The following DISC1 variants were observed in gnomAD, a reference collection of about 807,000 sequenced individuals.
The protein encoded by DISC1 is DISC1 scaffold protein, also known as disrupted in schizophrenia 1 protein.
A neutral mutation model predicts 84.5 loss-of-function variants in DISC1; 57 were observed. The observed-to-expected ratio is 0.67, with a 90% CI of 0.55 to 0.84. The LOEUF is 0.84. Ranked by LOEUF, DISC1 falls within the 40% of genes least tolerant of loss-of-function variation. The pLI is 0.00. For missense variants in DISC1, 1,000 were observed against 1,057.8 expected (o/e 0.95, Z 0.76); for synonymous variants, 411 against 415.2 (o/e 0.99, Z 0.12).
chr1:231,864,080 A>C (rs566321238), intron 9 of DISC1, among the ~76,000 whole-genome samples: 1 of 152,306 alleles, frequency 6.6e-6, no homozygotes, highest in Non-Finnish European at 1.5e-5. Context: ...GCCAGGTAGC[A>C]GTATATGAAC....
intron 10 of DISC1, among the ~76,000 whole-genome samples, chr1:231,991,891 C>A (rs1382598055): frequency 6.6e-6 from 1 of 152,076 alleles, no homozygotes; most frequent in Non-Finnish European, 1.5e-5. Flanking sequence ...TTAGAAAATT[C>A]AAATGGAATC....
intron 9 of DISC1, among the ~76,000 whole-genome samples, chr1:231,855,731 T>A (rs547872113): frequency 1.3e-5 from 2 of 152,332 alleles, no homozygotes; most frequent in African/African-American, 4.8e-5. Flanking sequence ...ACGTTTCCCC[T>A]TCTTTCTCTT....
At chr1:231,943,432 G>A (rs190605550) in intron 9 of DISC1, among the ~76,000 whole-genome samples, 6 of 152,348 alleles carry the variant, frequency 3.9e-5, no homozygotes, top group Admixed American at 2.0e-4. Context: ...AATAACTTCC[G>A]TGGACTCTGG....
At chr1:231,908,069 A>G (rs976937721) in intron 9 of DISC1, among the ~76,000 whole-genome samples, 28 of 152,224 alleles carry the variant, frequency 1.8e-4, no homozygotes, top group Non-Finnish European at 3.5e-4. Flanking sequence ...TAGATTCTGG[A>G]TATTAGCCTT....
intron 6 of DISC1, among the ~76,000 whole-genome samples, chr1:231,788,321 G>T (rs148795765): frequency 6.6e-6 from 1 of 152,246 alleles, no homozygotes; most frequent in African/African-American, 2.4e-5. Flanking sequence ...CAAGGTGTCA[G>T]CAGGGTTGCT....
intron 1 of DISC1, among the ~76,000 whole-genome samples, chr1:231,642,245 C>T (rs920553894): frequency 2.0e-5 from 3 of 152,212 alleles, no homozygotes; most frequent in Admixed American, 6.5e-5. Flanking sequence ...CGCGCTGGCC[C>T]GCAAGCACCG....
chr1:231,825,888 T>A (rs2081828594), intron 9 of DISC1, among the ~76,000 whole-genome samples: 1 of 152,258 alleles, frequency 6.6e-6, no homozygotes, highest in African/African-American at 2.4e-5. Context: ...TTTGCAGATT[T>A]CTTCCTCCAT....
At chr1:231,808,773 C>T (rs61260596) in intron 8 of DISC1, among the ~76,000 whole-genome samples, 4,326 of 152,284 alleles carry the variant, frequency 0.028, 215 homozygotes, top group African/African-American at 0.097. Context: ...ATTGCTCTGG[C>T]GCTGGGAGCC....
chr1:231,799,077 T>G (rs1036935953), intron 7 of DISC1, among the ~76,000 whole-genome samples: 8 of 152,120 alleles, frequency 5.3e-5, no homozygotes, highest in African/African-American at 1.9e-4. Flanking sequence ...AAATGTGATG[T>G]TTTAGCCTCC....
intron 1 of DISC1, among the ~76,000 whole-genome samples, chr1:231,689,357 A>C (rs1294261224): frequency 1.3e-5 from 2 of 151,804 alleles, no homozygotes; most frequent in Admixed American, 1.3e-4. Flanking sequence ...TTGAGACAAG[A>C]GTCTTGCTCT....
At chr1:231,911,154 T>A (rs1005164509) in intron 9 of DISC1, among the ~76,000 whole-genome samples, 3 of 152,228 alleles carry the variant, frequency 2.0e-5, no homozygotes, top group African/African-American at 7.2e-5. Flanking sequence ...GTCTTTTAAT[T>A]GGAGCATTTA....
At chr1:231,684,567 C>T (rs562636723) in intron 1 of DISC1, among the ~76,000 whole-genome samples, 82 of 152,214 alleles carry the variant, frequency 5.4e-4, no homozygotes, top group African/African-American at 1.9e-3. Flanking sequence ...ACATTACCCT[C>T]GAGGTCCCTT....
At chr1:231,986,416 C>T (rs1664450026) in intron 10 of DISC1, among the ~76,000 whole-genome samples, 1 of 152,136 alleles carries the variant, frequency 6.6e-6, no homozygotes, top group Admixed American at 6.5e-5. Context: ...TCCTCATGGT[C>T]CCTTTTATTC....
At chr1:231,734,396 C>A (rs2072177657) in intron 3 of DISC1, among the ~76,000 whole-genome samples, 1 of 152,138 alleles carries the variant, frequency 6.6e-6, no homozygotes, top group Non-Finnish European at 1.5e-5. Flanking sequence ...TCTTCAGAAG[C>A]TTGTGATCCT....
chr1:231,732,960 G>T (rs2071736798), intron 3 of DISC1, among the ~76,000 whole-genome samples: 1 of 152,142 alleles, frequency 6.6e-6, no homozygotes, highest in Admixed American at 6.5e-5. Context: ...AGTGGTAGTG[G>T]TGATAGGAGT....
intron 9 of DISC1, among the ~76,000 whole-genome samples, chr1:231,949,780 C>G (rs781302830): frequency 6.6e-6 from 1 of 152,166 alleles, no homozygotes; most frequent in African/African-American, 2.4e-5. Flanking sequence ...ATATGAAAAG[C>G]CTCTGCTTTA....
chr1:231,774,796 G>A (rs1464562214), intron 6 of DISC1: 1 of 455,722 alleles, frequency 2.2e-6, no homozygotes, highest in Admixed American at 2.4e-5. Flanking sequence ...AGAAACCAGT[G>A]TAGAACCAGC....
chr1:231,969,190 T>G (rs1030566486), intron 10 of DISC1, among the ~76,000 whole-genome samples: 149 of 146,460 alleles, frequency 1.0e-3, no homozygotes, highest in South Asian at 6.5e-3. Context: ...TCAGCGGTTT[T>G]TTTTTTTTTT....
chr1:231,774,678 A>G (rs2076824890), intron 6 of DISC1: 2 of 456,018 alleles, frequency 4.4e-6, no homozygotes, highest in Non-Finnish European at 4.4e-6. Context: ...GTAACCATCA[A>G]CTAGAGAAAC....
Sources: gnomAD v4.1 joint callset for allele counts (sites outside exome capture counted in the v4.1 genomes callset) on GRCh38, gnomAD v4.1.1 for gene constraint, MANE v1.5 for transcripts, NCBI Gene and HGNC (gene_info 2026-07-23, HGNC 2026-07-21) for gene names.